The following CHN2 variants were observed in gnomAD, a reference collection of about 807,000 sequenced individuals.
CHN2 encodes chimerin 2.
CHN2 carries 35 observed loss-of-function variants against 56.3 expected under a neutral mutation model. The ratio of observed to expected loss-of-function variants is 0.62; its 90% CI spans 0.47 to 0.82. The LOEUF (loss-of-function observed/expected upper bound fraction) is 0.82, where lower values mean the gene tolerates loss of function less well. CHN2 is among the 40% of genes least tolerant of loss of function. The probability of loss-of-function intolerance (pLI) is 0.00; values close to 1 mark genes in which losing one functional copy is unlikely to be tolerated. For synonymous variants in CHN2, 210 were observed against 212.8 expected, an observed-to-expected ratio of 0.99 and a Z score of 0.12; for missense variants, 491 against 580.5, an observed-to-expected ratio of 0.85 and a Z score of 1.58.
intron 1 of CHN2, among the ~76,000 whole-genome samples, chr7:29,336,702 ATG>A (rs1472949874): frequency 7.0e-6 from 1 of 142,730 alleles, no homozygotes; most frequent in Non-Finnish European, 1.5e-5. Context: ...TGAGTTTACA[ATG>A]AACCATGATT....
In CHN2 at chr7:29,400,798, C is replaced by T. The variant is rs774409620; in HGVS notation, c.546C>T (p.Val182=). ...RSKNEPRKTN[V]THEEHTAVEK... ...AAAATGAACCAAGAAAAACAAACGTCACACATGAAGAACACACAGCGGTGG... is the reference window on the plus strand; with the variant it reads ...AAAATGAACCAAGAAAAACAAACGTTACACATGAAGAACACACAGCGGTGG... Residue 182 remains valine (V), a synonymous_variant, in exon 6 of 13, where the codon GTC becomes GTT. Transcript: ENST00000222792. 1 of 1,613,968 alleles carries T rather than the reference C, an allele frequency of 6.2e-7. No homozygotes were observed. The highest frequency in any genetic ancestry group is 8.5e-7 in the Non-Finnish European group (1 of 1,179,968).
intron 2 of CHN2, among the ~76,000 whole-genome samples, chr7:29,159,186 G>A (rs1794839938): frequency 6.6e-6 from 1 of 152,182 alleles, no homozygotes. Context: ...TTCTTTATCT[G>A]GGAGTCACAG....
intron 6 of CHN2, among the ~76,000 whole-genome samples, chr7:29,478,293 T>G (rs3812325): frequency 0.31 from 47,779 of 151,858 alleles, 7,830 homozygotes; most frequent in African/African-American, 0.39. Flanking sequence ...GAGGGGAGTG[T>G]AGGGAAATAG....
chr7:29,217,529 T>A lies in CHN2; in HGVS notation c.49+22539T>A, dbSNP rs3793319. Among the ~76,000 whole-genome samples the A allele has an allele frequency of 2.0e-4, 30 of 152,350 alleles. 3 individuals are homozygous for A. The East Asian group carries it at 5.8e-3, about 29-fold the overall frequency. On this transcript the variant is annotated intron_variant, in intron 1 of 12. Coordinates refer to ENST00000222792, the MANE Select transcript of CHN2 (RefSeq NM_004067.4). ...TAGCTGAAAATGCCCTGAAAGTTTA[T>A]GACGTATCAAATATTTCTAATTAAA...
intron 1 of CHN2, among the ~76,000 whole-genome samples, chr7:29,336,863 T>A (rs1434301096): frequency 4.7e-5 from 7 of 150,386 alleles, no homozygotes; most frequent in African/African-American, 1.7e-4. Flanking sequence ...ATTCCACCTT[T>A]CTCTCCCTCC....
At chr7:29,450,455 C>G (rs1306906259) in intron 6 of CHN2, among the ~76,000 whole-genome samples, 2 of 152,180 alleles carry the variant, frequency 1.3e-5, no homozygotes, top group Non-Finnish European at 2.9e-5. Context: ...ATTTCACAGA[C>G]AGTCACAGAG....
At chr7:29,462,677 G>A (rs1785249747) in intron 6 of CHN2, among the ~76,000 whole-genome samples, 1 of 152,166 alleles carries the variant, frequency 6.6e-6, no homozygotes, top group Non-Finnish European at 1.5e-5. Context: ...TGGCTCCAAT[G>A]CAAAGATGCC....
At chr7:29,433,261 C>T (rs757027403) in intron 6 of CHN2, among the ~76,000 whole-genome samples, 10 of 151,968 alleles carry the variant, frequency 6.6e-5, no homozygotes, top group Non-Finnish European at 1.2e-4. Context: ...TGATAAGGTC[C>T]GGAAACCCAA....
In CHN2 at chr7:29,329,376, C is replaced by CAAAAAAAA. The variant is rs10667833; in HGVS notation, c.50-25230_50-25223dup. Reference sequence around the variant, plus strand: ...ACTAGCTTTAAACCTTCAGATAAGGCAAAAAAAAAAAAAAAAAAAAAAAAA... The same window carrying CAAAAAAAA: ...ACTAGCTTTAAACCTTCAGATAAGGCAAAAAAAAAAAAAAAAAAAAAAAAAAAAAAAAA... On this transcript the variant is annotated intron_variant, in intron 1 of 12. Coordinates refer to ENST00000222792, the MANE Select transcript of CHN2 (RefSeq NM_004067.4). Among the ~76,000 whole-genome samples, 12 of 37,248 alleles carry CAAAAAAAA rather than the reference C, an allele frequency of 3.2e-4. 3 individuals are homozygous for CAAAAAAAA. Among genetic ancestry groups the CAAAAAAAA allele is most frequent in the East Asian group, 1.1e-3 (1 of 914 alleles). The allele number at this position is 37,248 out of a possible 152,430, so 24.4% of individuals were successfully genotyped here.
intron 2 of CHN2, chr7:29,146,997 C>G (rs1207349520): frequency 5.8e-6 from 9 of 1,550,520 alleles, no homozygotes; most frequent in Non-Finnish European, 7.8e-6. Flanking sequence ...CTGCCAAGCA[C>G]TCTCCTGAAT....
At chr7:29,175,619 T>C (rs1443714793) in intron 2 of CHN2, among the ~76,000 whole-genome samples, 3 of 152,170 alleles carry the variant, frequency 2.0e-5, no homozygotes, top group Non-Finnish European at 4.4e-5. Flanking sequence ...TTTTTCCTCT[T>C]ATCTTTGTAG....
At chr7:29,511,604 A>G (rs12700965) in intron 12 of CHN2, among the ~76,000 whole-genome samples, 36,618 of 152,124 alleles carry the variant, frequency 0.24, 4,750 homozygotes, top group Non-Finnish European at 0.28. Context: ...TGTGGCATGT[A>G]CATGACACAA....
chr7:29,415,583 G>C (rs1028275870), intron 6 of CHN2, among the ~76,000 whole-genome samples: 1 of 152,230 alleles, frequency 6.6e-6, no homozygotes, highest in African/African-American at 2.4e-5. Context: ...TCGGGACACA[G>C]TTGGTGGAGG....
Position 29,512,627 on chromosome 7 carries a change from C to T in CHN2, c.1299C>T (p.Pro433=), listed in dbSNP as rs2128606108. 1 of 1,613,980 alleles carries T rather than the reference C, an allele frequency of 6.2e-7. No homozygotes were observed. The highest frequency in any genetic ancestry group is 2.2e-5 in the East Asian group (1 of 44,882). ...AAAATCTGGGGATCGTGTTTGGGCCCACTCTGATGAGGCCCCCTGAGGACA... is the reference window on the plus strand; with the variant it reads ...AAAATCTGGGGATCGTGTTTGGGCCTACTCTGATGAGGCCCCCTGAGGACA... ...NAENLGIVFG[P]TLMRPPEDST... The change falls in exon 13 of 13, where the codon CCC becomes CCT. Residue 433 remains proline, a synonymous_variant. Transcript: ENST00000222792.
intron 3 of CHN2, among the ~76,000 whole-genome samples, chr7:29,383,474 G>A (rs893290198): frequency 2.0e-5 from 3 of 152,268 alleles, no homozygotes; most frequent in African/African-American, 7.2e-5. Flanking sequence ...ACACACACTG[G>A]GGAGGGCCAT....
intron 1 of CHN2, among the ~76,000 whole-genome samples, chr7:29,354,174 T>C (rs538751040): frequency 2.6e-5 from 4 of 152,322 alleles, no homozygotes; most frequent in East Asian, 3.9e-4. Flanking sequence ...GTTGGTTGAG[T>C]TGCACAGCTC....
chr7:29,229,593 G>A (rs1455121244), intron 1 of CHN2, among the ~76,000 whole-genome samples: 1 of 152,200 alleles, frequency 6.6e-6, no homozygotes, highest in Non-Finnish European at 1.5e-5. Context: ...GTGTTTTGCA[G>A]ATTAGAATCC....
chr7:29,468,623 C>T (rs1186917329), intron 6 of CHN2, among the ~76,000 whole-genome samples: 3 of 152,114 alleles, frequency 2.0e-5, no homozygotes, highest in Non-Finnish European at 4.4e-5. Flanking sequence ...CCCGGTACTC[C>T]CAGCACTGGC....
chr7:29,415,721 C>T (rs1287263094), intron 6 of CHN2, among the ~76,000 whole-genome samples: 2 of 152,118 alleles, frequency 1.3e-5, no homozygotes, highest in Admixed American at 6.5e-5. Flanking sequence ...TAAGGAGCTG[C>T]CTGCAGTGTG....
Sources: allele counts gnomAD v4.1 joint callset (sites outside exome capture counted in the v4.1 genomes callset), GRCh38; gene constraint gnomAD v4.1.1; transcripts MANE v1.5; gene names NCBI Gene and HGNC (gene_info 2026-07-23, HGNC 2026-07-21).